Variants in PCSK5 observed in about 807,000 individuals in gnomAD.
PCSK5 encodes the protein prohormone convertase 5.
Under a neutral mutation model 233.2 loss-of-function variants are expected in PCSK5, and 129 were observed. That is an observed-to-expected ratio of 0.55 (90% confidence interval 0.48 to 0.64). The LOEUF is 0.64. PCSK5 is among the 30% of genes least tolerant of loss of function. PCSK5 has a pLI of 0.00. For missense variants in PCSK5, 2,076 were observed against 2,430.1 expected, an observed-to-expected ratio of 0.85 and a Z score of 3.06; for synonymous variants, 825 against 879.2, an observed-to-expected ratio of 0.94 and a Z score of 1.09.
intron 10 of PCSK5, among the ~76,000 whole-genome samples, chr9:76,150,425 G>T (rs55835761): frequency 0.16 from 23,677 of 152,172 alleles, 2,111 homozygotes; most frequent in East Asian, 0.31. Context: ...CCTGAGGTCA[G>T]GAGTTCGAGA....
chr9:75,897,874 T>G (rs1374838676), intron 1 of PCSK5, among the ~76,000 whole-genome samples: 1 of 152,162 alleles, frequency 6.6e-6, no homozygotes, highest in African/African-American at 2.4e-5. Flanking sequence ...GAAGTAAAAC[T>G]GACACATAAT....
chr9:75,958,435 CTA>C (rs1230468033), intron 2 of PCSK5, among the ~76,000 whole-genome samples: 1 of 152,164 alleles, frequency 6.6e-6, no homozygotes, highest in East Asian at 1.9e-4. Flanking sequence ...CACAACCTGA[CTA>C]TAAAAAACAG....
At chr9:76,203,550 C>T (rs1025371216) in intron 20 of PCSK5, among the ~76,000 whole-genome samples, 2 of 151,636 alleles carry the variant, frequency 1.3e-5, no homozygotes, top group African/African-American at 2.4e-5. Flanking sequence ...GGCCCACAGC[C>T]GAGGAACTTG....
At chr9:76,340,713 A>G (rs1195422226) in intron 35 of PCSK5, among the ~76,000 whole-genome samples, 7 of 148,774 alleles carry the variant, frequency 4.7e-5, no homozygotes, top group Admixed American at 2.7e-4. Context: ...TGGAATTTCT[A>G]TTAAATGCAA....
In PCSK5 at chr9:75,943,489, C is replaced by G. The variant is rs994535145; in HGVS notation, c.297+11006C>G. 3.9e-5 allele frequency among the ~76,000 whole-genome samples: 6 copies of G among 152,274 alleles called. No homozygotes were observed. In the East Asian group the frequency reaches 9.7e-4, roughly 24 times the overall value. On this transcript the variant is annotated intron_variant, in intron 2 of 37. Transcript: ENST00000674117. ...ATGAATGCAAGAGTAAATAAGAAAT[C>G]TAATTGAAACACCACCATTGAAAGG...
chr9:76,350,783 G>T, intron 35 of PCSK5, 45 bp from the exon 36 acceptor site: 1 of 1,146,966 alleles, frequency 8.7e-7, no homozygotes, highest in Non-Finnish European at 1.3e-6. Flanking sequence ...GACAGAAGTT[G>T]AAATCTAAGG....
At chr9:75,992,943 C>A (rs1826837835) in intron 3 of PCSK5, among the ~76,000 whole-genome samples, 1 of 152,074 alleles carries the variant, frequency 6.6e-6, no homozygotes, top group Admixed American at 6.6e-5. Flanking sequence ...TATGAACTAG[C>A]TAGGATAGTA....
chr9:76,211,925 G>A (rs924494207), intron 20 of PCSK5, among the ~76,000 whole-genome samples: 3 of 152,052 alleles, frequency 2.0e-5, no homozygotes, highest in Non-Finnish European at 2.9e-5. Flanking sequence ...CACTGCACCC[G>A]CCATGAGCAT....
intron 2 of PCSK5, among the ~76,000 whole-genome samples, chr9:75,965,665 C>T (rs1046440063): frequency 1.3e-5 from 2 of 152,252 alleles, no homozygotes; most frequent in South Asian, 4.1e-4. Context: ...ACAGTTATAC[C>T]CAAAGAGAGT....
chr9:76,346,072 A>G (rs1027741085), intron 35 of PCSK5, among the ~76,000 whole-genome samples: 3 of 152,162 alleles, frequency 2.0e-5, no homozygotes, highest in African/African-American at 7.2e-5. Flanking sequence ...CTATATGGTG[A>G]CAGGTAGGGA....
intron 2 of PCSK5, among the ~76,000 whole-genome samples, chr9:75,984,003 T>C (rs116878062): frequency 2.0e-5 from 3 of 152,256 alleles, no homozygotes; most frequent in Non-Finnish European, 4.4e-5. Context: ...CACTGAACTT[T>C]TCTTAAGTAT....
chr9:75,900,321 A>G (rs1311101594), intron 1 of PCSK5, among the ~76,000 whole-genome samples: 1 of 152,216 alleles, frequency 6.6e-6, no homozygotes, highest in East Asian at 1.9e-4. Flanking sequence ...AGGATGAGTT[A>G]AAAGTAGCTA....
intron 8 of PCSK5, among the ~76,000 whole-genome samples, chr9:76,104,967 T>C (rs1054571428): frequency 6.6e-6 from 1 of 152,194 alleles, no homozygotes; most frequent in African/African-American, 2.4e-5. Context: ...AAAATCAGGC[T>C]GCAAATTCAC....
rs900038147 is a variant in PCSK5 at position 76,118,153 on chromosome 9, A to G, written c.1208+10802A>G. 2.6e-5 allele frequency among the ~76,000 whole-genome samples: 4 copies of G among 152,088 alleles called. No homozygotes were observed. In the South Asian group the frequency reaches 6.2e-4, roughly 24 times the overall value. ...GATCCCATACCTGGAATATAAAGCAATTGTTATCAGTTTGTCTGAGGAATC... is the reference window on the plus strand; with the variant it reads ...GATCCCATACCTGGAATATAAAGCAGTTGTTATCAGTTTGTCTGAGGAATC... On this transcript the variant is annotated intron_variant, in intron 9 of 37. Transcript: ENST00000674117.
chr9:75,975,475 C>T (rs1285707746), intron 2 of PCSK5, among the ~76,000 whole-genome samples: 1 of 152,118 alleles, frequency 6.6e-6, no homozygotes, highest in East Asian at 1.9e-4. Context: ...AATGAGAACG[C>T]CCTTTCCTTT....
intron 9 of PCSK5, among the ~76,000 whole-genome samples, chr9:76,123,768 T>C (rs1832735500): frequency 6.6e-6 from 1 of 152,216 alleles, no homozygotes; most frequent in Non-Finnish European, 1.5e-5. Flanking sequence ...TATTTGTTGA[T>C]GGTCAGTTTT....
intron 2 of PCSK5, among the ~76,000 whole-genome samples, chr9:75,941,411 C>T (rs957314784): frequency 2.0e-4 from 31 of 151,978 alleles, no homozygotes; most frequent in African/African-American, 6.3e-4. Context: ...GGTGATTTCA[C>T]GTTTGCCTCT....
chr9:75,973,697 C>A (rs1825896134), intron 2 of PCSK5, among the ~76,000 whole-genome samples: 1 of 152,132 alleles, frequency 6.6e-6, no homozygotes, highest in Non-Finnish European at 1.5e-5. Flanking sequence ...TAATATTAAA[C>A]TGAACAAAAT....
At position 76,351,391 on chromosome 9, in the gene PCSK5, T is replaced by C. The variant is rs973648758; in HGVS notation, c.5067+463T>C. Among the ~76,000 whole-genome samples the C allele has an allele frequency of 2.7e-5, 4 of 149,160 alleles. No individual in the cohort carries two copies. In the South Asian group the frequency reaches 8.5e-4, roughly 32 times the overall value. On this transcript the variant is annotated intron_variant, in intron 36 of 37. Coordinates refer to ENST00000674117, the MANE Select transcript of PCSK5 (RefSeq NM_001372043.1). Reference sequence around the variant, plus strand: ...AAGAATTCATTTGCAGTGTTACAGCTCTTTAGAATTTCTGGTTTCTACCAG... The same window carrying C: ...AAGAATTCATTTGCAGTGTTACAGCCCTTTAGAATTTCTGGTTTCTACCAG...
Sources: allele counts gnomAD v4.1 joint callset (sites outside exome capture counted in the v4.1 genomes callset), GRCh38; gene constraint gnomAD v4.1.1; transcripts MANE v1.5; gene names NCBI Gene and HGNC (gene_info 2026-07-23, HGNC 2026-07-21).